Variants in MAST4 observed in about 807,000 individuals in gnomAD.
MAST4 encodes the protein microtubule associated serine/threonine kinase family member 4.
A neutral mutation model predicts 162.7 loss-of-function variants in MAST4; 89 were observed. That is an observed-to-expected ratio of 0.55 (90% CI 0.46 to 0.65). The LOEUF is 0.65. Among genes scored for constraint, MAST4 ranks in the 30% least tolerant of loss-of-function variants. The pLI is 0.00. For synonymous variants in MAST4, 1,479 were observed against 1,361.1 expected (o/e 1.09, Z -1.91); for missense variants, 3,153 against 3,374.0 (o/e 0.93, Z 1.62).
intron 1 of MAST4, among the ~76,000 whole-genome samples, chr5:66,622,327 G>C (rs1744127493): frequency 6.6e-6 from 1 of 151,816 alleles, no homozygotes; most frequent in African/African-American, 2.4e-5. Context: ...GAGTGGAGCA[G>C]AACAAGTGTG....
chr5:66,649,975 C>T (rs1490928305), intron 1 of MAST4, among the ~76,000 whole-genome samples: 1 of 150,956 alleles, frequency 6.6e-6, no homozygotes, highest in Non-Finnish European at 1.5e-5. Context: ...TATACCAATT[C>T]ACCTTTTTTT....
chr5:66,713,788 C>T lies in MAST4; in HGVS notation c.364-45921C>T, dbSNP rs139682472. Among the ~76,000 whole-genome samples, 588 of 152,208 alleles carry T rather than the reference C, an allele frequency of 3.9e-3. 4 individuals are homozygous for T. Among genetic ancestry groups the T allele is most frequent in the African/African-American group, 0.013 (546 of 41,522 alleles). On this transcript the variant is annotated intron_variant, in intron 1 of 28. Transcript: ENST00000403625. ...CAAGTGGAGAATTAGAACTGAGGTTCTAATCTAGTTTGGTGATCTCAGCTT... is the reference window on the plus strand; with the variant it reads ...CAAGTGGAGAATTAGAACTGAGGTTTTAATCTAGTTTGGTGATCTCAGCTT...
chr5:67,051,932 A>G (rs1213447932), intron 4 of MAST4, among the ~76,000 whole-genome samples: 1 of 152,190 alleles, frequency 6.6e-6, no homozygotes, highest in African/African-American at 2.4e-5. Flanking sequence ...GAGATCCCAG[A>G]AAGTTCCAAG....
chr5:66,660,520 C>T (rs1374739373), intron 1 of MAST4, among the ~76,000 whole-genome samples: 4 of 152,218 alleles, frequency 2.6e-5, no homozygotes, highest in Non-Finnish European at 5.9e-5. Flanking sequence ...ACATCATCTC[C>T]AGCCTGACCA....
intron 16 of MAST4, among the ~76,000 whole-genome samples, chr5:67,132,187 ATTATAC>A (rs1304612928): frequency 6.6e-6 from 1 of 152,086 alleles, no homozygotes; most frequent in Admixed American, 6.6e-5. Flanking sequence ...TATATATTTT[ATTATAC>A]TTTAAGTTCT....
intron 3 of MAST4, among the ~76,000 whole-genome samples, chr5:66,886,887 AAT>A (rs1461127761): frequency 6.6e-6 from 1 of 151,774 alleles, no homozygotes; most frequent in East Asian, 1.9e-4. Context: ...AAGACTTAAA[AAT>A]AAGTGTCCAC....
Position 66,788,698 on chromosome 5 carries a change from G to C in MAST4, c.546G>C (p.Ala182=). The change falls in exon 3 of 29, where the codon GCG becomes GCC. Residue 182 remains alanine, a synonymous_variant. Transcript: ENST00000403625. ...GGTACCTTCTTCCAAACCCGGTGGC[G>C]GGACAGGCCTGGCCGGCCTCTGCAG... ...TGRYLLPNPV[A]GQAWPASAET... is the part of the protein sequence containing the mutation. The C allele has an allele frequency of 1.2e-6, 2 of 1,612,990 alleles. No homozygotes were observed. Among genetic ancestry groups the C allele is most frequent in the Non-Finnish European group, 1.7e-6 (2 of 1,179,452 alleles).
At position 67,074,309 on chromosome 5, in the gene MAST4, T is replaced by A. The variant is rs76801514; in HGVS notation, c.764-15853T>A. On this transcript the variant is annotated intron_variant, in intron 5 of 28. Transcript: ENST00000403625. ...CAAACATGGTAATATTCATTTCTGA[T>A]GATGGTATATTGAAATGGATATTTT... 6.1e-3 allele frequency among the ~76,000 whole-genome samples: 924 copies of A among 152,256 alleles called. 14 individuals carry two copies. The highest frequency in any genetic ancestry group is 0.02 in the African/African-American group (850 of 41,562).
chr5:66,892,537 T>A (rs1231061273), intron 3 of MAST4, among the ~76,000 whole-genome samples: 2 of 152,236 alleles, frequency 1.3e-5, no homozygotes, highest in Non-Finnish European at 2.9e-5. Flanking sequence ...TTGCCTTCTG[T>A]ATTACTGAAA....
chr5:66,676,713 T>G (rs1219002359), intron 1 of MAST4, among the ~76,000 whole-genome samples: 2 of 152,202 alleles, frequency 1.3e-5, no homozygotes, highest in Admixed American at 6.5e-5. Context: ...GGCTGCTCTT[T>G]AGGAGTTTGT....
intron 4 of MAST4, among the ~76,000 whole-genome samples, chr5:66,986,689 T>C (rs1749549575): frequency 6.6e-6 from 1 of 151,416 alleles, no homozygotes; most frequent in South Asian, 2.1e-4. Flanking sequence ...AACACGATCA[T>C]AGCTCACTGC....
chr5:67,004,904 AT>A, intron 4 of MAST4: 1 of 659,214 alleles, frequency 1.5e-6, no homozygotes. Context: ...TTTTTTTTTT[AT>A]TTTTGGCCTT....
intron 3 of MAST4, among the ~76,000 whole-genome samples, chr5:66,837,023 C>CGTGTGTGTGTGTGTGTGTGTGT (rs544483226): frequency 0.054 from 7,727 of 144,378 alleles, 312 homozygotes; most frequent in South Asian, 0.083. Flanking sequence ...CATGCAGGAT[C>CGTGTGTGTGTGTGTGTGTGTGT]ATGTGTGTGT....
chr5:66,620,954 G>A (rs1744036388), intron 1 of MAST4, among the ~76,000 whole-genome samples: 1 of 152,058 alleles, frequency 6.6e-6, no homozygotes, highest in African/African-American at 2.4e-5. Flanking sequence ...CAGAGAAAGG[G>A]AGACAAGTAT....
chr5:66,794,908 C>T (rs1755577960), intron 3 of MAST4, among the ~76,000 whole-genome samples: 1 of 151,964 alleles, frequency 6.6e-6, no homozygotes, highest in Non-Finnish European at 1.5e-5. Flanking sequence ...TTCATCTTTT[C>T]CATTTGCAAA....
chr5:66,848,786 C>A (rs1759081521), intron 3 of MAST4, among the ~76,000 whole-genome samples: 1 of 152,078 alleles, frequency 6.6e-6, no homozygotes, highest in Non-Finnish European at 1.5e-5. Context: ...GAAAGTTGTA[C>A]TCATGATTTA....
chr5:66,888,235 A>G (rs1762165596), intron 3 of MAST4, among the ~76,000 whole-genome samples: 1 of 152,178 alleles, frequency 6.6e-6, no homozygotes, highest in Non-Finnish European at 1.5e-5. Context: ...TTATTTGAAT[A>G]TGTGTGTCAT....
chr5:66,842,106 T>C lies in MAST4; in HGVS notation c.642+53312T>C, dbSNP rs80238950. On this transcript the variant is annotated intron_variant, in intron 3 of 28. Transcript: ENST00000403625. Reference sequence around the variant, plus strand: ...GTGTTTATTGTACAATCCTTTTGCTTCTGTGGGCTTTAAAACAGTAACTCT... The same window carrying C: ...GTGTTTATTGTACAATCCTTTTGCTCCTGTGGGCTTTAAAACAGTAACTCT... 7.7e-3 allele frequency among the ~76,000 whole-genome samples: 1,178 copies of C among 152,312 alleles called. 13 individuals carry two copies. Among genetic ancestry groups the C allele is most frequent in the African/African-American group, 0.027 (1,138 of 41,554 alleles).
At position 66,596,395 on chromosome 5, in the gene MAST4, A is replaced by G. The variant is rs968783510; in HGVS notation, c.-261A>G. The G allele has an allele frequency of 1.9e-5, 7 of 364,816 alleles. No homozygotes were observed. The highest frequency in any genetic ancestry group is 2.1e-5 in the African/African-American group (1 of 47,718). The allele number at this position is 364,816 out of a possible 1,614,324, so 22.6% of individuals were successfully genotyped here. A position where few individuals can be genotyped will look rare whatever the true frequency, so the allele number is the denominator to read the frequency against. On this transcript the variant is annotated 5_prime_UTR_variant, in exon 1 of 29. Coordinates refer to ENST00000403625, the MANE Select transcript of MAST4 (RefSeq NM_001164664.2). ...CGGCTCGGGTGCAGCGCGGGAGCAC[A>G]GTGGAGCGCAGATCGCGGACCCGAG...
Sources: allele counts gnomAD v4.1 joint callset (sites outside exome capture counted in the v4.1 genomes callset), GRCh38; gene constraint gnomAD v4.1.1; transcripts MANE v1.5; gene names NCBI Gene and HGNC (gene_info 2026-07-23, HGNC 2026-07-21).